The following MCOLN2 variants were observed in gnomAD, a reference collection of about 807,000 sequenced individuals.
MCOLN2 encodes the protein mucolipin-2.
A neutral mutation model predicts 67.5 loss-of-function variants in MCOLN2; 57 were observed. The ratio of observed to expected loss-of-function variants is 0.84; its 90% CI spans 0.68 to 1.05. The LOEUF is 1.05. MCOLN2 is among the 50% of genes least tolerant of loss of function. MCOLN2 has a pLI of 0.00. For missense variants in MCOLN2, 620 were observed against 678.8 expected (o/e 0.91, Z 0.96); for synonymous variants, 246 against 233.3 (o/e 1.05, Z -0.50).
At chr1:84,957,704 C>G (rs758419809) in intron 3 of MCOLN2, among the ~76,000 whole-genome samples, 13 of 152,208 alleles carry the variant, frequency 8.5e-5, no homozygotes, top group Non-Finnish European at 1.6e-4. Context: ...ATAAGCTCAG[C>G]TTTGCTCATC....
intron 1 of MCOLN2, among the ~76,000 whole-genome samples, chr1:84,983,676 CTTTTTTTT>C (rs569506991): frequency 2.3e-5 from 3 of 129,880 alleles, no homozygotes; most frequent in Non-Finnish European, 4.9e-5. Context: ...TTTAAAATTT[CTTTTTTTT>C]TTTTTTTTTT....
chr1:84,995,616 C>T (rs140768399), intron 1 of MCOLN2, among the ~76,000 whole-genome samples: 7 of 152,178 alleles, frequency 4.6e-5, no homozygotes, highest in African/African-American at 1.7e-4. Context: ...ATCTCTTTTT[C>T]CGCCGGTTTT....
intron 1 of MCOLN2, among the ~76,000 whole-genome samples, chr1:84,977,032 C>T (rs1650022099): frequency 6.6e-6 from 1 of 151,846 alleles, no homozygotes; most frequent in African/African-American, 2.4e-5. Flanking sequence ...ATAATAACTA[C>T]AACAACTTTT....
chr1:84,996,608 C>T (rs898993917), intron 1 of MCOLN2, among the ~76,000 whole-genome samples, 188 bp downstream of exon 1: 1 of 151,840 alleles, frequency 6.6e-6, no homozygotes, highest in Non-Finnish European at 1.5e-5. Flanking sequence ...ACACTACAAC[C>T]CTCCCACCTG....
chr1:84,948,319 A>G (rs1648226381), intron 6 of MCOLN2, among the ~76,000 whole-genome samples: 1 of 152,218 alleles, frequency 6.6e-6, no homozygotes, highest in Non-Finnish European at 1.5e-5. Flanking sequence ...TGAGCCAATC[A>G]CAGACATCAC....
intron 1 of MCOLN2, among the ~76,000 whole-genome samples, chr1:84,978,622 C>T (rs906726743): frequency 4.6e-5 from 7 of 151,852 alleles, no homozygotes; most frequent in African/African-American, 1.7e-4. Flanking sequence ...AATGGACACA[C>T]ACAACCTACC....
intron 1 of MCOLN2, among the ~76,000 whole-genome samples, chr1:84,991,423 G>C (rs1650887034): frequency 2.0e-5 from 3 of 152,154 alleles, no homozygotes; most frequent in Non-Finnish European, 4.4e-5. Flanking sequence ...TCTCACAAGA[G>C]AGGAAGAAAG....
intron 1 of MCOLN2, among the ~76,000 whole-genome samples, chr1:84,981,773 T>C (rs1650266761): frequency 6.6e-6 from 1 of 152,134 alleles, no homozygotes; most frequent in Non-Finnish European, 1.5e-5. Context: ...GTGACTACAG[T>C]GAATAATAAT....
At chr1:84,959,252 C>T (rs561840954) in intron 2 of MCOLN2, among the ~76,000 whole-genome samples, 58 of 152,256 alleles carry the variant, frequency 3.8e-4, no homozygotes, top group African/African-American at 1.3e-3. Context: ...AAATTTACAC[C>T]TGAGAGTTTC....
At chr1:84,938,910 G>A (rs1005270154) in intron 9 of MCOLN2, among the ~76,000 whole-genome samples, 9 of 152,158 alleles carry the variant, frequency 5.9e-5, no homozygotes, top group Admixed American at 5.9e-4. Flanking sequence ...TGGATCTCAG[G>A]GGTATGAAGT....
At chr1:84,944,811 T>C (rs1429169966) in intron 7 of MCOLN2, among the ~76,000 whole-genome samples, 1 of 152,080 alleles carries the variant, frequency 6.6e-6, no homozygotes, top group Non-Finnish European at 1.5e-5. Flanking sequence ...CGTGTGGGTG[T>C]GAATGAGCCT....
intron 1 of MCOLN2, among the ~76,000 whole-genome samples, chr1:84,966,156 G>A (rs688208): frequency 0.35 from 53,500 of 151,658 alleles, 9,770 homozygotes; most frequent in African/African-American, 0.43. Flanking sequence ...GGAGGCTGAG[G>A]CAGGAGAATT....
In MCOLN2 at chr1:84,926,549, C is replaced by G; in HGVS notation, c.*136G>C. ...TGGAACTTCAGTCATGGTCAGCTGGCTAACTGTGAGTCCTCTTTCCCACTC... is the reference window on the plus strand; with the variant it reads ...TGGAACTTCAGTCATGGTCAGCTGGGTAACTGTGAGTCCTCTTTCCCACTC... On this transcript the variant is annotated 3_prime_UTR_variant, in exon 14 of 14. Transcript: ENST00000370608. The G allele has an allele frequency of 1.9e-6, 1 of 516,002 alleles. No homozygotes were observed. Among genetic ancestry groups the G allele is most frequent in the Non-Finnish European group, 3.4e-6 (1 of 295,462 alleles). 32.0% of individuals were successfully genotyped at this position (516,002 alleles called of 1,614,324 possible). A position where few individuals can be genotyped will look rare whatever the true frequency, so the allele number is the denominator to read the frequency against.
intron 3 of MCOLN2, 92 bp from the exon 4 acceptor site, chr1:84,956,676 G>A: frequency 9.1e-7 from 1 of 1,096,158 alleles, no homozygotes; most frequent in East Asian, 2.7e-5. Flanking sequence ...CAGTTACTTT[G>A]TATTGTTTAC....
chr1:84,988,336 G>C (rs2102889807), intron 1 of MCOLN2, among the ~76,000 whole-genome samples: 1 of 152,182 alleles, frequency 6.6e-6, no homozygotes, highest in South Asian at 2.1e-4. Context: ...ACAGGTGTGA[G>C]CCACTGTGTC....
chr1:84,943,104 T>C (rs1380933930), intron 7 of MCOLN2, among the ~76,000 whole-genome samples: 2 of 152,048 alleles, frequency 1.3e-5, no homozygotes, highest in East Asian at 3.9e-4. Context: ...TTCAAATTAA[T>C]GAAGAGAATC....
intron 7 of MCOLN2, among the ~76,000 whole-genome samples, chr1:84,945,097 G>C (rs1299693959): frequency 6.6e-6 from 1 of 152,186 alleles, no homozygotes; most frequent in African/African-American, 2.4e-5. Context: ...CAGTGGTCTA[G>C]GAGGCTTGTG....
At chr1:84,953,480 G>A (rs1250648722) in intron 4 of MCOLN2, among the ~76,000 whole-genome samples, 1 of 151,482 alleles carries the variant, frequency 6.6e-6, no homozygotes, top group African/African-American at 2.4e-5. Context: ...AACCCGGGAG[G>A]CAGAGGTTTC....
intron 1 of MCOLN2, among the ~76,000 whole-genome samples, chr1:84,987,202 ATCTATC>A (rs1650552303): frequency 1.0e-5 from 1 of 96,360 alleles, no homozygotes; most frequent in Admixed American, 1.2e-4. Flanking sequence ...CTATCTATCT[ATCTATC>A]TATATATATG....
Sources: gnomAD v4.1 joint callset for allele counts (sites outside exome capture counted in the v4.1 genomes callset) on GRCh38, gnomAD v4.1.1 for gene constraint, MANE v1.5 for transcripts, NCBI Gene and HGNC (gene_info 2026-07-23, HGNC 2026-07-21) for gene names.